Variants in GRIN2B observed in about 807,000 individuals in gnomAD.
GRIN2B encodes the protein glutamate receptor ionotropic, NMDA 2B.
A neutral mutation model predicts 114.5 loss-of-function variants in GRIN2B; 5 were observed. The observed-to-expected ratio is 0.04, with a 90% CI of 0.02 to 0.09. GRIN2B has a LOEUF of 0.09. GRIN2B is among the 10% of genes least tolerant of loss of function. The probability of loss-of-function intolerance (pLI) is 1.00; values close to 1 mark genes in which losing one functional copy is unlikely to be tolerated. For synonymous variants in GRIN2B, 787 were observed against 745.1 expected, an observed-to-expected ratio of 1.06 and a Z score of -0.92; for missense variants, 1,108 against 1,943.5, an observed-to-expected ratio of 0.57 and a Z score of 8.08.
At chr12:13,886,633 G>A (rs1217737197) in intron 2 of GRIN2B, among the ~76,000 whole-genome samples, 1 of 152,124 alleles carries the variant, frequency 6.6e-6, no homozygotes, top group East Asian at 1.9e-4. Context: ...CAGCCAGCAG[G>A]GAAAGGAGAC....
At chr12:13,601,276 G>A (rs1949155341) in intron 10 of GRIN2B, among the ~76,000 whole-genome samples, 1 of 152,180 alleles carries the variant, frequency 6.6e-6, no homozygotes, top group South Asian at 2.1e-4. Flanking sequence ...AAAGGTTCTA[G>A]GGGAGAATCC....
chr12:13,586,351 T>C (rs927284788), intron 10 of GRIN2B, among the ~76,000 whole-genome samples: 1 of 152,240 alleles, frequency 6.6e-6, no homozygotes. Flanking sequence ...CATTATATCT[T>C]TTCCCCTCTA....
At chr12:13,762,178 T>C (rs576188216) in intron 3 of GRIN2B, among the ~76,000 whole-genome samples, 47 of 152,242 alleles carry the variant, frequency 3.1e-4, no homozygotes, top group Non-Finnish European at 6.5e-4. Flanking sequence ...TAATTTTTTG[T>C]ATTTTTAGTA....
chr12:13,659,524 C>T (rs1949898816), intron 5 of GRIN2B, among the ~76,000 whole-genome samples: 1 of 152,156 alleles, frequency 6.6e-6, no homozygotes, highest in Admixed American at 6.5e-5. Context: ...CCGATTGCTT[C>T]TTGAGTTAAT....
In GRIN2B at chr12:13,553,908, G is replaced by C. The variant is rs988827571; in HGVS notation, c.*8875C>G. The C allele has an allele frequency of 3.4e-5, 5 of 146,678 alleles. No individual in the cohort carries two copies. Among genetic ancestry groups the C allele is most frequent in the African/African-American group, 1.2e-4 (5 of 41,238 alleles). The allele number at this position is 146,678 out of a possible 1,614,324, so 9.1% of individuals were successfully genotyped here. ...TAAAACAGTCCAAAACAACTTCAAA[G>C]GACAAAGCACTTAGAAAAAGGACAA... On this transcript the variant is annotated 3_prime_UTR_variant, in exon 14 of 14. Coordinates refer to ENST00000609686, the MANE Select transcript of GRIN2B (RefSeq NM_000834.5).
At position 13,598,912 on chromosome 12, in the gene GRIN2B, G is replaced by A. The variant is rs1380949257; in HGVS notation, c.2010+9691C>T. On this transcript the variant is annotated intron_variant, in intron 10 of 13. Transcript: ENST00000609686. ...ACTAGCCATGTGCTTTTTAAAGTGA[G>A]GACCCGAGGTCTTGAGCCTCCTCCT... Among the ~76,000 whole-genome samples the A allele has an allele frequency of 3.3e-5, 5 of 152,300 alleles. No homozygotes were observed. The East Asian group carries it at 9.7e-4, about 29-fold the overall frequency.
chr12:13,640,477 C>A (rs1246167446), intron 5 of GRIN2B, among the ~76,000 whole-genome samples: 1 of 152,094 alleles, frequency 6.6e-6, no homozygotes, highest in East Asian at 1.9e-4. Context: ...TTCCCCATAG[C>A]TGTTGTCTCT....
At chr12:13,704,361 C>A (rs1950339895) in intron 4 of GRIN2B, among the ~76,000 whole-genome samples, 1 of 152,112 alleles carries the variant, frequency 6.6e-6, no homozygotes, top group Non-Finnish European at 1.5e-5. Flanking sequence ...GGATTTGATC[C>A]CTGTGAAACA....
At chr12:13,857,047 G>T (rs769026759) in intron 3 of GRIN2B, among the ~76,000 whole-genome samples, 16 of 152,172 alleles carry the variant, frequency 1.1e-4, no homozygotes, top group Non-Finnish European at 1.8e-4. Context: ...ATTCAGTGCT[G>T]CAGAAGGTCA....
intron 3 of GRIN2B, among the ~76,000 whole-genome samples, chr12:13,798,946 C>G (rs2136672642): frequency 6.6e-6 from 1 of 152,342 alleles, no homozygotes; most frequent in South Asian, 2.1e-4. Context: ...TTTCCCACAA[C>G]CACTAGTATT....
intron 2 of GRIN2B, among the ~76,000 whole-genome samples, chr12:13,899,489 T>C (rs1419520846): frequency 8.6e-6 from 1 of 115,858 alleles, no homozygotes; most frequent in East Asian, 1.9e-4. Flanking sequence ...TAGGCAGCAA[T>C]GTCCAGAGGG....
chr12:13,954,811 G>GAAAAAAA (rs61525874), intron 2 of GRIN2B, among the ~76,000 whole-genome samples: 2,754 of 25,462 alleles, frequency 0.11, 636 homozygotes, highest in Non-Finnish European at 0.2. Context: ...TCCGTCTCAG[G>GAAAAAAA]AAAAAAAAAA....
chr12:13,797,661 G>A (rs966573942), intron 3 of GRIN2B, among the ~76,000 whole-genome samples: 1 of 152,170 alleles, frequency 6.6e-6, no homozygotes, highest in Non-Finnish European at 1.5e-5. Context: ...AGGATTAAAA[G>A]CTATTAAATA....
intron 3 of GRIN2B, among the ~76,000 whole-genome samples, chr12:13,795,930 C>G (rs1016914532): frequency 6.6e-6 from 1 of 151,522 alleles, no homozygotes; most frequent in Non-Finnish European, 1.5e-5. Flanking sequence ...CAGGGCCTGT[C>G]GTGGGGTGAG....
intron 5 of GRIN2B, among the ~76,000 whole-genome samples, chr12:13,632,701 G>A (rs926766832): frequency 2.6e-5 from 4 of 152,198 alleles, no homozygotes; most frequent in African/African-American, 9.6e-5. Context: ...TAGGCTGGAG[G>A]GTTGAGGGCT....
chr12:13,605,552 G>C (rs148525889), intron 10 of GRIN2B, among the ~76,000 whole-genome samples: 1,276 of 129,432 alleles, frequency 9.9e-3, no homozygotes, highest in South Asian at 0.013. Context: ...CTCTCTCTCT[G>C]ACACACACAC....
intron 5 of GRIN2B, among the ~76,000 whole-genome samples, chr12:13,660,957 C>A (rs1374182752): frequency 6.6e-6 from 1 of 152,198 alleles, no homozygotes; most frequent in Non-Finnish European, 1.5e-5. Context: ...CAAGCTTTCT[C>A]TCTACACTTT....
intron 2 of GRIN2B, among the ~76,000 whole-genome samples, chr12:13,873,378 TG>T (rs1163161425): frequency 9.2e-5 from 14 of 152,212 alleles, no homozygotes. Flanking sequence ...TATCTATTTT[TG>T]TCAAATGGCA....
Position 13,562,520 on chromosome 12 carries a change from AG to A in GRIN2B, c.*262del, listed in dbSNP as rs1298305526. The A allele has an allele frequency of 1.6e-5, 8 of 499,344 alleles. No individual in the cohort carries two copies. Among genetic ancestry groups the A allele is most frequent in the Admixed American group, 3.4e-5 (1 of 29,768 alleles). The allele number at this position is 499,344 out of a possible 1,614,324, so 30.9% of individuals were successfully genotyped here. The stretch of plus-strand genomic sequence containing the variant: ...CTCCGCTCTACCCTCCCCTGCTGAG[AG>A]GGCCCATGGCATCATCTCATGGGAA... On this transcript the variant is annotated 3_prime_UTR_variant, in exon 14 of 14. Transcript: ENST00000609686.
Sources: allele counts gnomAD v4.1 joint callset (sites outside exome capture counted in the v4.1 genomes callset), GRCh38; gene constraint gnomAD v4.1.1; transcripts MANE v1.5; gene names NCBI Gene and HGNC (gene_info 2026-07-23, HGNC 2026-07-21).